The following PLD5 variants were observed in gnomAD, a reference collection of about 807,000 sequenced individuals.
The protein encoded by PLD5 is inactive phospholipase D5.
Under a neutral mutation model 61.1 loss-of-function variants are expected in PLD5, and 36 were observed. That is an observed-to-expected ratio of 0.59 (90% CI 0.45 to 0.78). PLD5 has a LOEUF of 0.78. Ranked by LOEUF, PLD5 falls within the 30% of genes least tolerant of loss-of-function variation. The pLI is 0.00. For synonymous variants in PLD5, 243 were observed against 242.8 expected, an observed-to-expected ratio of 1.00 and a Z score of -0.01; for missense variants, 515 against 644.4, an observed-to-expected ratio of 0.80 and a Z score of 2.17.
At chr1:242,394,452 GAGTATATATGTGAACA>G in intron 1 of PLD5, among the ~76,000 whole-genome samples, 1 of 96,586 alleles carries the variant, frequency 1.0e-5, no homozygotes, top group African/African-American at 4.8e-5. Flanking sequence ...GTGTGTATAT[GAGTATATATGTGAACA>G]TATATATGTG....
At chr1:242,489,056 A>G in intron 1 of PLD5, among the ~76,000 whole-genome samples, 1 of 152,204 alleles carries the variant, frequency 6.6e-6, no homozygotes, top group East Asian at 1.9e-4. Flanking sequence ...CATCTGCACC[A>G]ATATGGATCT....
At chr1:242,399,071 C>T (rs1663772232) in intron 1 of PLD5, among the ~76,000 whole-genome samples, 1 of 152,162 alleles carries the variant, frequency 6.6e-6, no homozygotes, top group African/African-American at 2.4e-5. Flanking sequence ...TCCTTCCAGT[C>T]TTAAGTTTCT....
rs1668741522 is a variant in PLD5, at chr1:242,197,903, G to T, written c.735+22085C>A. On this transcript the variant is annotated intron_variant, in intron 5 of 9. Transcript: ENST00000536534. Reference sequence around the variant, plus strand: ...CCCACCTCGGTCTCCCAAAGTGCTGGGATTACAGGTAATTACACACTTATT... The same window carrying T: ...CCCACCTCGGTCTCCCAAAGTGCTGTGATTACAGGTAATTACACACTTATT... 2.6e-5 allele frequency among the ~76,000 whole-genome samples: 4 copies of T among 152,062 alleles called. No homozygotes were observed. The South Asian group carries it at 8.3e-4, about 32-fold the overall frequency.
chr1:242,291,581 C>T (rs1438463072), intron 2 of PLD5, among the ~76,000 whole-genome samples: 7 of 151,884 alleles, frequency 4.6e-5, no homozygotes, highest in Admixed American at 1.3e-4. Flanking sequence ...CCGAGGCGGG[C>T]GGATCATGAG....
chr1:242,231,421 C>T (rs1671294525), intron 4 of PLD5, among the ~76,000 whole-genome samples: 1 of 152,180 alleles, frequency 6.6e-6, no homozygotes, highest in Non-Finnish European at 1.5e-5. Context: ...AGGAGCTTTG[C>T]TTTCTTGGAA....
At chr1:242,520,929 G>T (rs1424228234) in intron 1 of PLD5, among the ~76,000 whole-genome samples, 1 of 152,176 alleles carries the variant, frequency 6.6e-6, no homozygotes, top group Non-Finnish European at 1.5e-5. Context: ...ATCCTACAGA[G>T]AACAGAACTT....
intron 8 of PLD5, among the ~76,000 whole-genome samples, chr1:242,105,648 G>A (rs1360676777): frequency 6.6e-6 from 1 of 152,184 alleles, no homozygotes; most frequent in East Asian, 1.9e-4. Context: ...ATTTCACAGG[G>A]TTGAAAAAGC....
In PLD5 at chr1:242,461,751, T is replaced by C. The variant is rs368390646; in HGVS notation, c.189+62337A>G. On this transcript the variant is annotated intron_variant, in intron 1 of 9. Transcript: ENST00000536534. ...CTTTCTCCCCAGCCTTGCCAGCATC[T>C]GTTGTTTTTTGACTTCTTAGTAATA... Among the ~76,000 whole-genome samples the C allele has an allele frequency of 3.9e-5, 6 of 152,184 alleles. No individual in the cohort carries two copies. In the East Asian group the frequency reaches 1.2e-3, roughly 29 times the overall value.
chr1:242,390,244 G>A (rs1662851181), intron 1 of PLD5, among the ~76,000 whole-genome samples: 1 of 152,064 alleles, frequency 6.6e-6, no homozygotes, highest in African/African-American at 2.4e-5. Context: ...ATTTTTAGCA[G>A]AGACAGGGTT....
At chr1:242,413,209 T>C (rs1453383412) in intron 1 of PLD5, among the ~76,000 whole-genome samples, 2 of 152,190 alleles carry the variant, frequency 1.3e-5, no homozygotes, top group Non-Finnish European at 2.9e-5. Flanking sequence ...TTTTCCTCTC[T>C]ATCTTGAAAA....
At chr1:242,363,751 T>G (rs1363900551) in intron 1 of PLD5, among the ~76,000 whole-genome samples, 1 of 152,166 alleles carries the variant, frequency 6.6e-6, no homozygotes, top group East Asian at 1.9e-4. Flanking sequence ...ATATTCTATA[T>G]GTTTGAGAAG....
At chr1:242,407,894 A>C (rs1236665580) in intron 1 of PLD5, among the ~76,000 whole-genome samples, 2 of 149,676 alleles carry the variant, frequency 1.3e-5, no homozygotes, top group African/African-American at 5.0e-5. Flanking sequence ...CAGATTTTAA[A>C]GACAAAAGGG....
chr1:242,189,800 GAGA>G (rs1002383694), intron 5 of PLD5, among the ~76,000 whole-genome samples: 19 of 152,186 alleles, frequency 1.2e-4, no homozygotes, highest in African/African-American at 4.1e-4. Flanking sequence ...GAACATATGG[GAGA>G]AGAACTATGC....
intron 5 of PLD5, chr1:242,147,459 A>G (rs569578994): frequency 6.6e-6 from 1 of 152,354 alleles, no homozygotes; most frequent in Non-Finnish European, 1.5e-5. Flanking sequence ...GATGACAGAT[A>G]AAGCTGCTGC....
In PLD5 at chr1:242,472,067, A is replaced by G. The variant is rs77130654; in HGVS notation, c.189+52021T>C. On this transcript the variant is annotated intron_variant, in intron 1 of 9. Transcript: ENST00000536534. ...GTATTTCACTTGGTGTTGCAAAAAT[A>G]TCTAAGCACATTGAACTTAAAACTG... Among the ~76,000 whole-genome samples the G allele has an allele frequency of 2.1e-3, 316 of 152,334 alleles. 2 individuals are homozygous for G. The highest frequency in any genetic ancestry group is 7.3e-3 in the African/African-American group (303 of 41,560).
chr1:242,453,159 C>T (rs1178670144), intron 1 of PLD5, among the ~76,000 whole-genome samples: 2 of 152,058 alleles, frequency 1.3e-5, no homozygotes, highest in Non-Finnish European at 2.9e-5. Flanking sequence ...CCCTCATGAA[C>T]GGGATTAGTA....
intron 2 of PLD5, among the ~76,000 whole-genome samples, chr1:242,339,055 T>C (rs1659688344): frequency 6.6e-6 from 1 of 152,216 alleles, no homozygotes; most frequent in African/African-American, 2.4e-5. Flanking sequence ...ACATATATAA[T>C]GTATAAACTA....
At chr1:242,394,907 A>AATATATATGT (rs1663379657) in intron 1 of PLD5, among the ~76,000 whole-genome samples, 1 of 129,102 alleles carries the variant, frequency 7.7e-6, no homozygotes. Flanking sequence ...ATTATATATG[A>AATATATATGT]ATATATATGT....
At chr1:242,349,240 T>C (rs1314555673) in intron 1 of PLD5, among the ~76,000 whole-genome samples, 1 of 152,184 alleles carries the variant, frequency 6.6e-6, no homozygotes, top group Admixed American at 6.5e-5. Flanking sequence ...TATAAGGGGT[T>C]GTAGAGACCA....
Sources: allele counts gnomAD v4.1 joint callset (sites outside exome capture counted in the v4.1 genomes callset), GRCh38; gene constraint gnomAD v4.1.1; transcripts MANE v1.5; gene names NCBI Gene and HGNC (gene_info 2026-07-23, HGNC 2026-07-21).